UGT1A10: variants seen among roughly 807,000 people sequenced by gnomAD.
UGT1A10 encodes UDP-glucuronosyltransferase 1A10.
UGT1A10 carries 49 observed loss-of-function variants against 45.8 expected under a neutral mutation model. The ratio of observed to expected loss-of-function variants is 1.07; its 90% CI spans 0.85 to 1.36. UGT1A10 has a LOEUF of 1.36. Ranked by LOEUF, UGT1A10 falls within the 40% of genes most tolerant of loss-of-function variation. The pLI, the probability that UGT1A10 is intolerant of heterozygous loss-of-function variation, is 0.00. For synonymous variants in UGT1A10, 284 were observed against 249.7 expected, an observed-to-expected ratio of 1.14 and a Z score of -1.29; for missense variants, 745 against 668.6, an observed-to-expected ratio of 1.11 and a Z score of -1.26.
At chr2:233,700,335 A>C (rs923955753) in intron 1 of UGT1A10, among the ~76,000 whole-genome samples, 1 of 152,208 alleles carries the variant, frequency 6.6e-6, no homozygotes, top group Non-Finnish European at 1.5e-5. Context: ...CCTCTCTTTC[A>C]AAACCCTGTG....
chr2:233,725,828 G>A (rs372072402), intron 1 of UGT1A10, among the ~76,000 whole-genome samples: 8 of 152,124 alleles, frequency 5.3e-5, no homozygotes, highest in Middle Eastern at 3.4e-3. Flanking sequence ...TACCAGTATT[G>A]CTACTCCTAT....
intron 1 of UGT1A10, among the ~76,000 whole-genome samples, chr2:233,757,279 A>T (rs1159492481): frequency 7.8e-6 from 1 of 127,878 alleles, no homozygotes; most frequent in Admixed American, 8.4e-5. Context: ...GCAATGATTC[A>T]GAAGGGACAG....
intron 1 of UGT1A10, among the ~76,000 whole-genome samples, chr2:233,732,830 G>GT (rs1465504396): frequency 3.4e-5 from 5 of 148,534 alleles, no homozygotes; most frequent in African/African-American, 1.0e-4. Context: ...CTTTAAAGTA[G>GT]TTTTTTCCAA....
At chr2:233,724,279 G>T (rs1430028213) in intron 1 of UGT1A10, among the ~76,000 whole-genome samples, 8 of 142,700 alleles carry the variant, frequency 5.6e-5, no homozygotes, top group Non-Finnish European at 1.1e-4. Flanking sequence ...CGGCTGGCCG[G>T]GCGGGGGGCT....
rs377204506 is a variant in UGT1A10 at position 233,718,901 on chromosome 2, G to C, written c.856-48133G>C. ...TCCTCAGTGTCCAGCCCTGGGCTGAGAGTGGAAAGGTGTTGGTGGTGCCCA... is the reference window on the plus strand; with the variant it reads ...TCCTCAGTGTCCAGCCCTGGGCTGACAGTGGAAAGGTGTTGGTGGTGCCCA... On this transcript the variant is annotated intron_variant, in intron 1 of 4. Transcript: ENST00000344644. 43 of 1,613,936 alleles carry C rather than the reference G, an allele frequency of 2.7e-5. No individual in the cohort carries two copies. Among genetic ancestry groups the C allele is most frequent in the Non-Finnish European group, 3.6e-5 (43 of 1,179,928 alleles).
At chr2:233,701,370 C>T (rs1390957102) in intron 1 of UGT1A10, among the ~76,000 whole-genome samples, 2 of 152,150 alleles carry the variant, frequency 1.3e-5, no homozygotes, top group Non-Finnish European at 2.9e-5. Context: ...TACAAAGAGA[C>T]TTAGACTCCC....
intron 1 of UGT1A10, among the ~76,000 whole-genome samples, chr2:233,649,675 A>G (rs1241755999): frequency 6.6e-6 from 1 of 152,202 alleles, no homozygotes; most frequent in Non-Finnish European, 1.5e-5. Context: ...CAACATAGAC[A>G]CAAGCTTTCC....
intron 4 of UGT1A10, chr2:233,770,452 G>C (rs1050174931): frequency 6.6e-6 from 1 of 152,078 alleles, no homozygotes; most frequent in African/African-American, 2.4e-5. Context: ...TTAGGAGTTC[G>C]AAACCAACCT....
At chr2:233,724,293 C>A (rs1226718888) in intron 1 of UGT1A10, among the ~76,000 whole-genome samples, 7 of 135,018 alleles carry the variant, frequency 5.2e-5, no homozygotes, top group Non-Finnish European at 8.1e-5. Flanking sequence ...GGGGGCTGAC[C>A]CCCCCACCTC....
At chr2:233,759,599 A>ACCCCCCCCCCCCCC (rs1553620419) in intron 1 of UGT1A10, among the ~76,000 whole-genome samples, 9 of 108,650 alleles carry the variant, frequency 8.3e-5, no homozygotes, top group African/African-American at 2.6e-4. Flanking sequence ...CCCACCCCCG[A>ACCCCCCCCCCCCCC]CCCGCCCCAC....
Position 233,648,062 on chromosome 2 carries a change from C to T in UGT1A10, c.855+10685C>T, listed in dbSNP as rs2073646817. On this transcript the variant is annotated intron_variant, in intron 1 of 4. Transcript: ENST00000344644. ...AGATCACTGAATTGCACAGTGAAGA[C>T]TTCTTCAACCTTATACACCCTGGAG... is the stretch of plus-strand genomic sequence containing the variant. The T allele has an allele frequency of 6.4e-6, 10 of 1,567,948 alleles. No individual in the cohort carries two copies. In the South Asian group the frequency reaches 1.1e-4, roughly 17 times the overall value.
chr2:233,686,584 C>T lies in UGT1A10; in HGVS notation c.855+49207C>T, dbSNP rs371449627. ...TGGTTTCAGAAGTTAGTGTGGATTACTGCTGCTTTCTTTGACTGTCTCTCT... is the reference window on the plus strand; with the variant it reads ...TGGTTTCAGAAGTTAGTGTGGATTATTGCTGCTTTCTTTGACTGTCTCTCT... On this transcript the variant is annotated intron_variant, in intron 1 of 4. Coordinates refer to ENST00000344644, the MANE Select transcript of UGT1A10 (RefSeq NM_019075.4). Among the ~76,000 whole-genome samples, 18 of 152,174 alleles carry T rather than the reference C, an allele frequency of 1.2e-4. No homozygotes were observed. In the East Asian group the frequency reaches 3.3e-3, roughly 28 times the overall value.
chr2:233,771,905 G>T (rs1048759513), intron 4 of UGT1A10, among the ~76,000 whole-genome samples: 4 of 151,250 alleles, frequency 2.6e-5, no homozygotes, highest in Non-Finnish European at 5.9e-5. Flanking sequence ...CCTTTCAGGT[G>T]ATAATAGTAA....
intron 1 of UGT1A10, chr2:233,718,915 T>C (rs979373640): frequency 6.2e-7 from 1 of 1,613,984 alleles, no homozygotes; most frequent in African/African-American, 1.3e-5. Context: ...GGAAAGGTGT[T>C]GGTGGTGCCC....
intron 1 of UGT1A10, among the ~76,000 whole-genome samples, chr2:233,766,527 C>T (rs182363342): frequency 4.6e-5 from 7 of 152,118 alleles, no homozygotes; most frequent in Non-Finnish European, 7.3e-5. Context: ...AACATTTAGG[C>T]AGGAAAACAA....
At chr2:233,712,932 A>G in intron 1 of UGT1A10, 1 of 1,612,230 alleles carries the variant, frequency 6.2e-7, no homozygotes, top group Non-Finnish European at 8.5e-7. Flanking sequence ...AAGACGAAGG[A>G]AACAATTCTA....
chr2:233,680,556 A>C (rs1014960787), intron 1 of UGT1A10, among the ~76,000 whole-genome samples: 8 of 152,154 alleles, frequency 5.3e-5, no homozygotes, highest in African/African-American at 1.9e-4. Flanking sequence ...AATGCTCCTC[A>C]GTGTGTTGCC....
At chr2:233,662,629 T>G (rs1575409193) in intron 1 of UGT1A10, among the ~76,000 whole-genome samples, 1 of 152,190 alleles carries the variant, frequency 6.6e-6, no homozygotes. Context: ...TTTCTTTTTC[T>G]TGTTTGACTG....
intron 1 of UGT1A10, among the ~76,000 whole-genome samples, chr2:233,689,248 C>T (rs1219951031): frequency 1.3e-5 from 2 of 152,214 alleles, no homozygotes. Flanking sequence ...GTGAGTGATT[C>T]AGACTTGACT....
Sources: gnomAD v4.1 joint callset for allele counts (sites outside exome capture counted in the v4.1 genomes callset) on GRCh38, gnomAD v4.1.1 for gene constraint, MANE v1.5 for transcripts, NCBI Gene and HGNC (gene_info 2026-07-23, HGNC 2026-07-21) for gene names.